Variants in TP63 observed in about 807,000 individuals in gnomAD.
The protein encoded by TP63 is tumor protein p63.
A neutral mutation model predicts 82.8 loss-of-function variants in TP63; 17 were observed. That is an observed-to-expected ratio of 0.21 (90% confidence interval 0.14 to 0.31). The LOEUF (loss-of-function observed/expected upper bound fraction) is 0.31. Ranked by LOEUF, TP63 falls within the 10% of genes least tolerant of loss-of-function variation. The pLI is 1.00. For synonymous variants in TP63, 330 were observed against 321.7 expected (o/e 1.03, Z -0.28); for missense variants, 648 against 895.3 (o/e 0.72, Z 3.52).
At position 189,738,927 on chromosome 3, in the gene TP63, G is replaced by C; in HGVS notation, c.324+153G>C. 1.9e-5 allele frequency: 23 copies of C among 1,185,728 alleles called. No homozygotes were observed. The South Asian group carries it at 2.9e-4, about 15-fold the overall frequency. The allele number at this position is 1,185,728 out of a possible 1,614,324, so 73.5% of individuals were successfully genotyped here. On this transcript the variant is annotated intron_variant, in intron 3 of 13. Transcript: ENST00000264731. ...TATGTTGTTAGCTGAGAGAAGATTT[G>C]GTGTGGATTATGCATTCTGGGTCTG...
chr3:189,652,054 A>T (rs12330765), intron 1 of TP63, among the ~76,000 whole-genome samples: 71,675 of 145,478 alleles, frequency 0.49, 21,878 homozygotes, highest in Middle Eastern at 0.71. Flanking sequence ...CCTCTGGCAG[A>T]GTGGAAGGGA....
chr3:189,735,298 A>G (rs777455023), intron 1 of TP63, among the ~76,000 whole-genome samples: 8 of 152,132 alleles, frequency 5.3e-5, no homozygotes, highest in South Asian at 2.1e-4. Context: ...TTTTTCCCCT[A>G]TGAGGAAGAT....
At chr3:189,870,367 T>C (rs1226042916) in intron 9 of TP63, among the ~76,000 whole-genome samples, 1 of 152,072 alleles carries the variant, frequency 6.6e-6, no homozygotes, top group Non-Finnish European at 1.5e-5. Context: ...ATAACAACAA[T>C]ATAGTATAAC....
At chr3:189,618,218 A>G in the TP63 span, among the ~76,000 whole-genome samples, 1 of 152,198 alleles carries the variant, frequency 6.6e-6, no homozygotes, top group East Asian at 1.9e-4. Context: ...TTGCCACACT[A>G]TATATACTTA....
chr3:189,786,446 A>AACACACACACACACACACAC (rs59747587), intron 3 of TP63, among the ~76,000 whole-genome samples: 1 of 147,008 alleles, frequency 6.8e-6, no homozygotes, highest in African/African-American at 2.5e-5. Flanking sequence ...GACATACCTA[A>AACACACACACACACACACAC]ACACACACAC....
Position 189,890,816 on chromosome 3 carries a change from A to G in TP63, c.1680A>G (p.Ser560=), listed in dbSNP as rs149465507. 24 of 1,613,878 alleles carry G rather than the reference A, an allele frequency of 1.5e-5. No individual in the cohort carries two copies. The highest frequency in any genetic ancestry group is 6.7e-5 in the African/African-American group (5 of 74,850). The change falls in exon 13 of 14, where the codon TCA becomes TCG. Residue 560 remains serine, a synonymous_variant. Coordinates refer to ENST00000264731, the MANE Select transcript of TP63 (RefSeq NM_003722.5). ...VSFLARLGCS[S]CLDYFTTQGL... is the part of the protein sequence containing the mutation. ...TCTTAGCGAGGTTGGGCTGTTCATC[A>G]TGTCTGGACTATTTCACGACCCAGG...
At chr3:189,877,090 T>G (rs1331700241) in intron 10 of TP63, among the ~76,000 whole-genome samples, 1 of 152,226 alleles carries the variant, frequency 6.6e-6, no homozygotes, top group Non-Finnish European at 1.5e-5. Flanking sequence ...TTAAAAAAAT[T>G]TCTTCGCGTT....
At chr3:189,821,198 T>C (rs1728761008) in intron 4 of TP63, among the ~76,000 whole-genome samples, 2 of 152,254 alleles carry the variant, frequency 1.3e-5, no homozygotes, top group Admixed American at 6.5e-5. Flanking sequence ...TGTGATGTAA[T>C]TGAAGCAGTA....
At chr3:189,602,840 G>A in the TP63 span, among the ~76,000 whole-genome samples, 4 of 152,268 alleles carry the variant, frequency 2.6e-5, no homozygotes, top group African/African-American at 9.6e-5. Context: ...TAGAGGCACA[G>A]GCATCACTTT....
intron 1 of TP63, among the ~76,000 whole-genome samples, chr3:189,689,862 A>G (rs954468447): frequency 6.6e-6 from 1 of 152,132 alleles, no homozygotes; most frequent in Non-Finnish European, 1.5e-5. Flanking sequence ...TAGTCACTTT[A>G]TAGGACAGGT....
intron 3 of TP63, among the ~76,000 whole-genome samples, chr3:189,771,454 TTAAA>T (rs1723366052): frequency 7.0e-6 from 1 of 141,966 alleles, no homozygotes; most frequent in Non-Finnish European, 1.5e-5. Flanking sequence ...ATGTATTATA[TTAAA>T]TATATAATAT....
In TP63 at chr3:189,650,318, C is replaced by T. The variant is rs1009077269; in HGVS notation, c.62+18741C>T. Among the ~76,000 whole-genome samples the T allele has an allele frequency of 2.0e-5, 3 of 147,234 alleles. 1 individual carries two copies. Among genetic ancestry groups the T allele is most frequent in the Non-Finnish European group, 4.5e-5 (3 of 67,320 alleles). On this transcript the variant is annotated intron_variant, in intron 1 of 13. Coordinates refer to ENST00000264731, the MANE Select transcript of TP63 (RefSeq NM_003722.5). Reference sequence around the variant, plus strand: ...AAGGAGAAAACCAATCAATGCATTACCTCTTACAATAAGAAATGTAATTTA... The same window carrying T: ...AAGGAGAAAACCAATCAATGCATTATCTCTTACAATAAGAAATGTAATTTA...
intron 3 of TP63, among the ~76,000 whole-genome samples, chr3:189,766,518 C>A (rs545723555): frequency 6.6e-6 from 1 of 152,018 alleles, no homozygotes; most frequent in Non-Finnish European, 1.5e-5. Flanking sequence ...AGGAGAAGTT[C>A]CTAACTCTTT....
At chr3:189,702,258 G>T (rs995928465) in intron 1 of TP63, among the ~76,000 whole-genome samples, 2 of 152,210 alleles carry the variant, frequency 1.3e-5, no homozygotes, top group African/African-American at 4.8e-5. Context: ...GACAGAAACT[G>T]CAGGGAAGAT....
At chr3:189,677,441 T>TAC (rs1715535574) in intron 1 of TP63, among the ~76,000 whole-genome samples, 3 of 136,068 alleles carry the variant, frequency 2.2e-5, no homozygotes, top group South Asian at 4.8e-4. Context: ...TACATATATA[T>TAC]ATACACACAT....
intron 4 of TP63, among the ~76,000 whole-genome samples, chr3:189,820,321 C>A (rs1728672576): frequency 1.3e-5 from 2 of 152,274 alleles, no homozygotes; most frequent in African/African-American, 2.4e-5. Context: ...AATATACGAC[C>A]ATTTGTATAA....
At chr3:189,813,440 T>C (rs1173620044) in intron 4 of TP63, among the ~76,000 whole-genome samples, 2 of 152,170 alleles carry the variant, frequency 1.3e-5, no homozygotes, top group Non-Finnish European at 1.5e-5. Flanking sequence ...GGTGTTTCTT[T>C]GTGCTCCCCT....
At chr3:189,675,790 T>G (rs190370369) in intron 1 of TP63, among the ~76,000 whole-genome samples, 2 of 152,244 alleles carry the variant, frequency 1.3e-5, no homozygotes, top group Admixed American at 1.3e-4. Flanking sequence ...GTCACTTATG[T>G]CTGCTGTTCT....
At chr3:189,744,466 T>C (rs2108511519) in intron 3 of TP63, among the ~76,000 whole-genome samples, 1 of 152,264 alleles carries the variant, frequency 6.6e-6, no homozygotes, top group East Asian at 1.9e-4. Flanking sequence ...TACCCCTCAG[T>C]GCCCAGGAAC....
Sources: gnomAD v4.1 joint callset for allele counts (sites outside exome capture counted in the v4.1 genomes callset) on GRCh38, gnomAD v4.1.1 for gene constraint, MANE v1.5 for transcripts, NCBI Gene and HGNC (gene_info 2026-07-23, HGNC 2026-07-21) for gene names.